FBXL7: variants seen among roughly 807,000 people sequenced by gnomAD.
FBXL7 encodes the protein F-box/LRR-repeat protein 7.
FBXL7 carries 12 observed loss-of-function variants against 38.3 expected under a neutral mutation model. The observed-to-expected ratio is 0.31, with a 90% CI of 0.20 to 0.51. The LOEUF (loss-of-function observed/expected upper bound fraction) is 0.51. Among genes scored for constraint, FBXL7 ranks in the 20% least tolerant of loss-of-function variants. The pLI, the probability that FBXL7 is intolerant of heterozygous loss-of-function variation, is 0.98. For missense variants in FBXL7, 567 were observed against 676.4 expected, an observed-to-expected ratio of 0.84 and a Z score of 1.79; for synonymous variants, 297 against 300.9, an observed-to-expected ratio of 0.99 and a Z score of 0.13.
chr5:15,629,784 A>T (rs1259965934), intron 2 of FBXL7, among the ~76,000 whole-genome samples: 2 of 152,176 alleles, frequency 1.3e-5, no homozygotes, highest in Admixed American at 6.5e-5. Context: ...TATTGAATGG[A>T]TGAATGTATT....
At chr5:15,647,311 A>G (rs532264896) in intron 2 of FBXL7, among the ~76,000 whole-genome samples, 4 of 152,362 alleles carry the variant, frequency 2.6e-5, no homozygotes, top group East Asian at 3.9e-4. Flanking sequence ...AATCAAGGCA[A>G]TGAGTGTTCT....
At chr5:15,631,294 G>A (rs934302817) in intron 2 of FBXL7, among the ~76,000 whole-genome samples, 4 of 152,220 alleles carry the variant, frequency 2.6e-5, no homozygotes, top group Non-Finnish European at 5.9e-5. Context: ...GAATTCATTT[G>A]TAAAATGATA....
At chr5:15,636,961 T>TTCG (rs145863365) in intron 2 of FBXL7, among the ~76,000 whole-genome samples, 1 of 151,626 alleles carries the variant, frequency 6.6e-6, no homozygotes, top group Non-Finnish European at 1.5e-5. Context: ...CAGAAATTTT[T>TTCG]TTGTTGTTTT....
intron 1 of FBXL7, among the ~76,000 whole-genome samples, chr5:15,582,281 A>T (rs1176104241): frequency 6.6e-6 from 1 of 152,224 alleles, no homozygotes; most frequent in East Asian, 1.9e-4. Flanking sequence ...AAAATTGAAG[A>T]GGTACTAGAA....
rs543099107 is a variant in FBXL7 at position 15,876,056 on chromosome 5, G to A, written c.128-51834G>A. ...AGAAAATGTGGCAAATATACACCAT[G>A]GAATAATATGCAGCCATAAAACAGA... On this transcript the variant is annotated intron_variant, in intron 2 of 3. Coordinates refer to ENST00000504595, the MANE Select transcript of FBXL7 (RefSeq NM_012304.5). Among the ~76,000 whole-genome samples the A allele has an allele frequency of 8.5e-5, 13 of 152,320 alleles. No individual in the cohort carries two copies. The South Asian group carries it at 2.3e-3, about 27-fold the overall frequency.
chr5:15,644,041 G>A (rs922614490), intron 2 of FBXL7, among the ~76,000 whole-genome samples: 1 of 152,140 alleles, frequency 6.6e-6, no homozygotes, highest in Non-Finnish European at 1.5e-5. Context: ...AGCTAGCCTG[G>A]AATTTTCCTT....
intron 1 of FBXL7, among the ~76,000 whole-genome samples, chr5:15,593,114 G>A (rs1739528714): frequency 6.6e-6 from 1 of 152,224 alleles, no homozygotes. Flanking sequence ...ACTGAAGCCA[G>A]TTAGCTTTAC....
chr5:15,886,807 A>T (rs901589280), intron 2 of FBXL7, among the ~76,000 whole-genome samples: 2 of 152,240 alleles, frequency 1.3e-5, no homozygotes, highest in Non-Finnish European at 2.9e-5. Flanking sequence ...GCATGTGCAC[A>T]TGTGTGTGCC....
At chr5:15,856,869 C>T (rs1047917100) in intron 2 of FBXL7, among the ~76,000 whole-genome samples, 1 of 152,146 alleles carries the variant, frequency 6.6e-6, no homozygotes, top group African/African-American at 2.4e-5. Context: ...CATTATCTGT[C>T]ATAGTTAACC....
chr5:15,812,187 G>A (rs1045610820), intron 2 of FBXL7, among the ~76,000 whole-genome samples: 5 of 152,102 alleles, frequency 3.3e-5, no homozygotes, highest in Admixed American at 2.0e-4. Context: ...GTCCTTTGTG[G>A]GTACATGGGC....
chr5:15,933,701 G>C lies in FBXL7; in HGVS notation c.740-2749G>C, dbSNP rs77221588. Among the ~76,000 whole-genome samples, 395 of 152,218 alleles carry C rather than the reference G, an allele frequency of 2.6e-3. 1 individual carries two copies. Among genetic ancestry groups the C allele is most frequent in the African/African-American group, 9.0e-3 (375 of 41,530 alleles). On this transcript the variant is annotated intron_variant, in intron 3 of 3. Coordinates refer to ENST00000504595, the MANE Select transcript of FBXL7 (RefSeq NM_012304.5). The stretch of plus-strand genomic sequence containing the variant: ...TTTGACTTAGTAGCACGTGGTTTTT[G>C]AACCTCATTATTCCCAGGGCCTGAG...
At chr5:15,599,373 G>A (rs6554889) in intron 1 of FBXL7, among the ~76,000 whole-genome samples, 143,265 of 152,224 alleles carry the variant, frequency 0.94, 67,906 homozygotes, top group Non-Finnish European at 0.99. Context: ...GTGTGTATGT[G>A]TGTATGCATA....
intron 1 of FBXL7, among the ~76,000 whole-genome samples, chr5:15,509,142 G>C (rs1736726994): frequency 6.6e-6 from 1 of 152,134 alleles, no homozygotes; most frequent in Non-Finnish European, 1.5e-5. Flanking sequence ...ATACAAAAAG[G>C]GCATCTTCCT....
chr5:15,609,868 T>G (rs773756752), intron 1 of FBXL7, among the ~76,000 whole-genome samples: 19 of 152,200 alleles, frequency 1.2e-4, no homozygotes, highest in African/African-American at 4.3e-4. Flanking sequence ...AGAGTTGCTC[T>G]CTGTATTAGT....
At chr5:15,834,152 A>G (rs1738527569) in intron 2 of FBXL7, among the ~76,000 whole-genome samples, 1 of 152,240 alleles carries the variant, frequency 6.6e-6, no homozygotes, top group Admixed American at 6.5e-5. Context: ...GAAATTAGGC[A>G]AACAGAGGGC....
chr5:15,701,102 T>G (rs1227190784), intron 2 of FBXL7, among the ~76,000 whole-genome samples: 3 of 152,118 alleles, frequency 2.0e-5, no homozygotes, highest in Non-Finnish European at 2.9e-5. Context: ...ATTTTTTGAG[T>G]CAGGTTGGAG....
At chr5:15,933,876 C>T (rs150234693) in intron 3 of FBXL7, among the ~76,000 whole-genome samples, 246 of 151,782 alleles carry the variant, frequency 1.6e-3, no homozygotes, top group African/African-American at 5.7e-3. Flanking sequence ...TAGAACTGCC[C>T]GAGAGATTTG....
At chr5:15,587,975 ACT>A (rs1363264241) in intron 1 of FBXL7, among the ~76,000 whole-genome samples, 1 of 151,564 alleles carries the variant, frequency 6.6e-6, no homozygotes, top group African/African-American at 2.4e-5. Flanking sequence ...GTTCCTAAAA[ACT>A]CTCTGAATTC....
intron 2 of FBXL7, among the ~76,000 whole-genome samples, chr5:15,876,228 A>G (rs1579555915): frequency 6.6e-6 from 1 of 151,940 alleles, no homozygotes. Context: ...GGAAGGGAAC[A>G]TCGCACATGG....
Sources: gnomAD v4.1 joint callset for allele counts (sites outside exome capture counted in the v4.1 genomes callset) on GRCh38, gnomAD v4.1.1 for gene constraint, MANE v1.5 for transcripts, NCBI Gene and HGNC (gene_info 2026-07-23, HGNC 2026-07-21) for gene names.